The following PHC2 variants were observed in gnomAD, a reference collection of about 807,000 sequenced individuals.
PHC2 encodes polyhomeotic-like protein 2.
Under a neutral mutation model 87.4 loss-of-function variants are expected in PHC2, and 29 were observed. That is an observed-to-expected ratio of 0.33 (90% CI 0.25 to 0.45). The LOEUF is 0.45. PHC2 is among the 20% of genes least tolerant of loss of function. The probability of loss-of-function intolerance (pLI) is 1.00; values close to 1 mark genes in which losing one functional copy is unlikely to be tolerated. For missense variants in PHC2, 857 were observed against 1,136.7 expected (o/e 0.75, Z 3.54); for synonymous variants, 438 against 461.7 (o/e 0.95, Z 0.66).
In PHC2 at chr1:33,382,004, T is replaced by C. The variant is rs1024509598; in HGVS notation, c.-54-6411A>G. On this transcript the variant is annotated intron_variant, in intron 1 of 14. Coordinates refer to ENST00000683057, the MANE Select transcript of PHC2 (RefSeq NM_001385109.1). The surrounding 1 kb of genome is among the most constrained non-coding windows in gnomAD (Gnocchi z 4.3). ...CACCTCAGGAAACCTCCTGCCCGCA[T>C]GGTGGTGGTGACTTATCAACGAGAG... is the stretch of plus-strand genomic sequence containing the variant. Among the ~76,000 whole-genome samples the C allele has an allele frequency of 6.6e-6, 1 of 151,996 alleles. No homozygotes were observed. Among genetic ancestry groups the C allele is most frequent in the African/African-American group, 2.4e-5 (1 of 41,380 alleles).
At chr1:33,370,392 G>A (rs758101821) in intron 5 of PHC2, 29 bp downstream of exon 5, 6 of 1,590,696 alleles carry the variant, frequency 3.8e-6, no homozygotes, top group Non-Finnish European at 5.2e-6. Context: ...TGGTGCCTCT[G>A]AGCCATGGCC....
chr1:33,413,462 T>C (rs184616563), intron 1 of PHC2, among the ~76,000 whole-genome samples: 2 of 152,332 alleles, frequency 1.3e-5, no homozygotes, highest in Admixed American at 1.3e-4. Flanking sequence ...TGAGGTGGCT[T>C]CCTCATGATG....
At chr1:33,417,302 T>C (rs535721203) in intron 1 of PHC2, among the ~76,000 whole-genome samples, 1 of 152,214 alleles carries the variant, frequency 6.6e-6, no homozygotes, top group Non-Finnish European at 1.5e-5. Context: ...CCGATAATTA[T>C]AGTAAATGTA....
chr1:33,379,248 T>G (rs915124114), intron 1 of PHC2, among the ~76,000 whole-genome samples: 10 of 149,576 alleles, frequency 6.7e-5, no homozygotes, highest in South Asian at 2.1e-4. Context: ...AGCATGCCTT[T>G]CCTTTCTTCT....
intron 1 of PHC2, among the ~76,000 whole-genome samples, chr1:33,428,362 T>C (rs1650766709): frequency 6.6e-6 from 1 of 152,358 alleles, no homozygotes; most frequent in African/African-American, 2.4e-5. Context: ...TACAGTATCA[T>C]CAATCTTAGC....
At chr1:33,351,385 T>C (rs972927051) in intron 9 of PHC2, among the ~76,000 whole-genome samples, 2 of 152,230 alleles carry the variant, frequency 1.3e-5, no homozygotes, top group African/African-American at 4.8e-5. Flanking sequence ...CTGTAGTTTG[T>C]CAACCTCTGC....
At chr1:33,327,556 C>A (rs1373242465) in intron 14 of PHC2, among the ~76,000 whole-genome samples, 1 of 152,114 alleles carries the variant, frequency 6.6e-6, no homozygotes, top group Non-Finnish European at 1.5e-5. Context: ...ACCTGTGTGA[C>A]CCATAAGATA....
At position 33,363,009 on chromosome 1, in the gene PHC2, C is replaced by A. The variant is rs971721116; in HGVS notation, c.976+4107G>T. On this transcript the variant is annotated intron_variant, in intron 7 of 14. Transcript: ENST00000683057. ...GATTAAGTGAGATATGTAGGTAAAG[C>A]ATTTAGTGCAGTATGTGGAACATGG... The A allele has an allele frequency of 4.6e-5, 7 of 152,226 alleles. 1 individual carries two copies. The highest frequency in any genetic ancestry group is 8.8e-5 in the Non-Finnish European group (6 of 68,050). The allele number at this position is 152,226 out of a possible 1,614,324, so 9.4% of individuals were successfully genotyped here.
intron 1 of PHC2, among the ~76,000 whole-genome samples, chr1:33,417,218 GA>G (rs898136718): frequency 1.5e-4 from 23 of 151,766 alleles, no homozygotes; most frequent in South Asian, 1.5e-3. Context: ...AAAAAAAAGA[GA>G]AAAAAAGGAA....
chr1:33,342,295 G>C (rs1301185421), intron 9 of PHC2, among the ~76,000 whole-genome samples: 3 of 152,218 alleles, frequency 2.0e-5, no homozygotes, highest in African/African-American at 7.2e-5. Flanking sequence ...ACCAGCTCCC[G>C]TTAAGGCATC....
At position 33,382,160 on chromosome 1, in the gene PHC2, G is replaced by A. The variant is rs1648526104; in HGVS notation, c.-54-6567C>T. 6.6e-6 allele frequency among the ~76,000 whole-genome samples: 1 copy of A among 152,116 alleles called. No homozygotes were observed. Among genetic ancestry groups the A allele is most frequent in the East Asian group, 1.9e-4 (1 of 5,192 alleles). On this transcript the variant is annotated intron_variant, in intron 1 of 14. Coordinates refer to ENST00000683057, the MANE Select transcript of PHC2 (RefSeq NM_001385109.1). The surrounding 1 kb of genome is among the most constrained non-coding windows in gnomAD (Gnocchi z 4.3). The stretch of plus-strand genomic sequence containing the variant: ...TTAGTAAGTGTGGACCCATATAACA[G>A]CTTTAAAACTTTTTTTTCTACAGTT...
chr1:33,390,574 G>A (rs1648998523), intron 1 of PHC2, among the ~76,000 whole-genome samples: 1 of 151,984 alleles, frequency 6.6e-6, no homozygotes, highest in South Asian at 2.1e-4. Flanking sequence ...ATTACTATAT[G>A]TTTGGTACTG....
chr1:33,395,815 A>C (rs1211392051), intron 1 of PHC2, among the ~76,000 whole-genome samples: 1 of 152,220 alleles, frequency 6.6e-6, no homozygotes, highest in Non-Finnish European at 1.5e-5. Flanking sequence ...TGTGAAATGA[A>C]TACTATAGGG....
At chr1:33,418,927 A>C (rs755182175) in intron 1 of PHC2, among the ~76,000 whole-genome samples, 20 of 152,234 alleles carry the variant, frequency 1.3e-4, no homozygotes, top group Non-Finnish European at 8.8e-5. Context: ...ATGCTTGCCC[A>C]GTGTAAAGCC....
intron 1 of PHC2, among the ~76,000 whole-genome samples, chr1:33,409,642 C>A (rs1307430661): frequency 2.0e-5 from 3 of 152,176 alleles, no homozygotes; most frequent in Non-Finnish European, 4.4e-5. Context: ...CCTTTCCAGG[C>A]CCAATCTATC....
chr1:33,399,320 T>G (rs1408159909), intron 1 of PHC2, among the ~76,000 whole-genome samples: 2 of 148,514 alleles, frequency 1.3e-5, no homozygotes, highest in Admixed American at 1.3e-4. Context: ...GGAAGTATTA[T>G]TACTTTGGAC....
intron 9 of PHC2, chr1:33,335,218 C>T (rs1646602391): frequency 1.0e-6 from 1 of 985,334 alleles, no homozygotes; most frequent in Non-Finnish European, 1.2e-6. Flanking sequence ...CAAACAGCAT[C>T]TCTCATGAGC....
At chr1:33,345,913 G>T (rs1390632163) in intron 9 of PHC2, 6 of 984,852 alleles carry the variant, frequency 6.1e-6, no homozygotes, top group Non-Finnish European at 6.0e-6. Flanking sequence ...ATTGCTTCAA[G>T]TGAAGCCTAC....
In PHC2 at chr1:33,368,849, G is replaced by C. The variant is rs989620476; in HGVS notation, c.577-227C>G. ...AGCGCCTGCCTTTCTCTAGAGGCTC[G>C]TTGCATCCTGACCCAGGCTGGGTGC... On this transcript the variant is annotated intron_variant, in intron 5 of 14. Transcript: ENST00000683057. The surrounding 1 kb of genome is among the most constrained non-coding windows in gnomAD (Gnocchi z 6.6). Among the ~76,000 whole-genome samples, 5 of 152,100 alleles carry C rather than the reference G, an allele frequency of 3.3e-5. No individual in the cohort carries two copies. Among genetic ancestry groups the C allele is most frequent in the Non-Finnish European group, 7.4e-5 (5 of 68,026 alleles).
Sources: allele counts gnomAD v4.1 joint callset (sites outside exome capture counted in the v4.1 genomes callset), GRCh38; gene constraint gnomAD v4.1.1; non-coding constraint Gnocchi (gnomAD v3.1); transcripts MANE v1.5; gene names NCBI Gene and HGNC (gene_info 2026-07-23, HGNC 2026-07-21).